The following PTCD2 variants were observed in gnomAD, a reference collection of about 807,000 sequenced individuals.
PTCD2 encodes the protein pentatricopeptide repeat-containing protein 2, mitochondrial.
PTCD2 carries 31 observed loss-of-function variants against 42.6 expected under a neutral mutation model. That is an observed-to-expected ratio of 0.73 (90% CI 0.55 to 0.98). The LOEUF is 0.98. Among genes scored for constraint, PTCD2 ranks in the 50% least tolerant of loss-of-function variants. The pLI, the probability that PTCD2 is intolerant of heterozygous loss-of-function variation, is 0.00. For missense variants in PTCD2, 476 were observed against 454.8 expected, an observed-to-expected ratio of 1.05 and a Z score of -0.42; for synonymous variants, 183 against 170.9, an observed-to-expected ratio of 1.07 and a Z score of -0.55.
intron 1 of PTCD2, 96 bp from the exon 2 acceptor site, chr5:72,322,076 T>C (rs1171065772): frequency 1.5e-6 from 1 of 684,968 alleles, no homozygotes; most frequent in African/African-American, 1.8e-5. Flanking sequence ...GGATTATCTA[T>C]AATAGATGTT....
Position 72,360,243 on chromosome 5 carries a change from C to T in PTCD2, c.*1816C>T, listed in dbSNP as rs1333179507. 2.6e-5 allele frequency: 4 copies of T among 151,768 alleles called. No homozygotes were observed. Among genetic ancestry groups the T allele is most frequent in the Admixed American group, 2.6e-4 (4 of 15,230 alleles). The allele number at this position is 151,768 out of a possible 1,614,324, so 9.4% of individuals were successfully genotyped here. On this transcript the variant is annotated 3_prime_UTR_variant, in exon 10 of 10. Transcript: ENST00000380639. ...AAAAAAAAGTGCTTGGATTTCTCCA[C>T]TTTCAGTCTTAGGGAATAATAGGGC...
rs1753102794 is a variant in PTCD2, at chr5:72,361,844, G to A, written c.*3417G>A. On this transcript the variant is annotated 3_prime_UTR_variant, in exon 10 of 10. Transcript: ENST00000380639. ...ATTCCTACTCATCATTCAGGTCTTG[G>A]CTTAGACATCTTTTCATCTGAGAAG... 6.6e-6 allele frequency: 1 copy of A among 152,188 alleles called. No homozygotes were observed. The highest frequency in any genetic ancestry group is 2.1e-4 in the South Asian group (1 of 4,830). The allele number at this position is 152,188 out of a possible 1,614,324, so 9.4% of individuals were successfully genotyped here.
chr5:72,324,071 A>G (rs1445364385), intron 2 of PTCD2, among the ~76,000 whole-genome samples: 7 of 152,118 alleles, frequency 4.6e-5, no homozygotes, highest in Non-Finnish European at 8.8e-5. Flanking sequence ...GGGGGAATAT[A>G]TTTATCCCCA....
At chr5:72,350,244 C>G (rs1260416902) in intron 8 of PTCD2, among the ~76,000 whole-genome samples, 1 of 152,142 alleles carries the variant, frequency 6.6e-6, no homozygotes, top group Non-Finnish European at 1.5e-5. Context: ...TTAGCCTGCC[C>G]CAGTTTCACG....
intron 2 of PTCD2, among the ~76,000 whole-genome samples, chr5:72,325,639 T>C (rs1346738514): frequency 2.6e-5 from 4 of 152,258 alleles, no homozygotes; most frequent in Non-Finnish European, 4.4e-5. Flanking sequence ...GTAGGTCTTT[T>C]CTTTTAAATT....
chr5:72,361,034 C>G lies in PTCD2; in HGVS notation c.*2607C>G, dbSNP rs998955101. 3.3e-5 allele frequency: 5 copies of G among 152,158 alleles called. No homozygotes were observed. The highest frequency in any genetic ancestry group is 1.2e-4 in the African/African-American group (5 of 41,430). The allele number at this position is 152,158 out of a possible 1,614,324, so 9.4% of individuals were successfully genotyped here. On this transcript the variant is annotated 3_prime_UTR_variant, in exon 10 of 10. Coordinates refer to ENST00000380639, the MANE Select transcript of PTCD2 (RefSeq NM_024754.5). ...ATTTGATTGGACAGAACATCTTATT[C>G]CTTAACTCTGTTATGTGCTTTTGTA...
chr5:72,329,299 C>T (rs1479630626), intron 3 of PTCD2, among the ~76,000 whole-genome samples: 1 of 152,206 alleles, frequency 6.6e-6, no homozygotes, highest in Admixed American at 6.5e-5. Context: ...TCTCTTTCTC[C>T]CTGAGTCAGG....
In PTCD2 at chr5:72,362,714, T is replaced by C. The variant is rs1430612381; in HGVS notation, c.*4287T>C. 6.6e-6 allele frequency: 1 copy of C among 152,236 alleles called. No homozygotes were observed. The highest frequency in any genetic ancestry group is 1.5e-5 in the Non-Finnish European group (1 of 68,046). 9.4% of individuals were successfully genotyped at this position (152,236 alleles called of 1,614,324 possible). Reference sequence around the variant, plus strand: ...TCTCCATTAATTCACCATATCTATTTTGAGAATCTACAAAGGACAAGGCAC... The same window carrying C: ...TCTCCATTAATTCACCATATCTATTCTGAGAATCTACAAAGGACAAGGCAC... On this transcript the variant is annotated 3_prime_UTR_variant, in exon 10 of 10. Transcript: ENST00000380639.
At chr5:72,339,174 C>T (rs1751913802) in intron 7 of PTCD2, among the ~76,000 whole-genome samples, 3 of 152,152 alleles carry the variant, frequency 2.0e-5, no homozygotes, top group Non-Finnish European at 4.4e-5. Context: ...CCTTAGTGAT[C>T]ATTTAGCCTC....
In PTCD2 at chr5:72,352,699, C is replaced by G. The variant is rs757947348; in HGVS notation, c.887C>G (p.Ala296Gly). 6.2e-7 allele frequency: 1 copy of G among 1,605,146 alleles called. No individual in the cohort carries two copies. The highest frequency in any genetic ancestry group is 2.2e-5 in the East Asian group (1 of 44,722). ...AACCTGATAAAGACTCTAAAAAATGCTGCAGAAGGAAATTTATCAAAATTT... is the reference window on the plus strand; with the variant it reads ...AACCTGATAAAGACTCTAAAAAATGGTGCAGAAGGAAATTTATCAAAATTT... ...LENLIKTLKN[A>G]AEGNLSKFVK... Residue 296 changes from alanine (A) to glycine (G), a missense_variant, in exon 9 of 10, where the codon GCT (alanine) becomes GGT (glycine). By Grantham distance (60) the Ala-to-Gly change is moderately conservative. Transcript: ENST00000380639.
rs768076661 is a variant in PTCD2, at chr5:72,367,205, A to T, written c.*8778A>T. ...ACTGCCCATCTCTAAGAATAGGTCAAAGATGAAATTCCCATTATCATGAAA... is the reference window on the plus strand; with the variant it reads ...ACTGCCCATCTCTAAGAATAGGTCATAGATGAAATTCCCATTATCATGAAA... On this transcript the variant is annotated 3_prime_UTR_variant, in exon 10 of 10. Coordinates refer to ENST00000380639, the MANE Select transcript of PTCD2 (RefSeq NM_024754.5). 2.0e-5 allele frequency: 3 copies of T among 152,240 alleles called. No individual in the cohort carries two copies. The highest frequency in any genetic ancestry group is 7.2e-5 in the African/African-American group (3 of 41,454). The allele number at this position is 152,240 out of a possible 1,614,324, so 9.4% of individuals were successfully genotyped here.
chr5:72,347,285 C>T (rs1237189883), intron 8 of PTCD2, among the ~76,000 whole-genome samples: 2 of 152,158 alleles, frequency 1.3e-5, no homozygotes, highest in Admixed American at 1.3e-4. Context: ...ATAAAAAGAA[C>T]ACAAGACTGG....
At chr5:72,329,328 G>A (rs1751312633) in intron 3 of PTCD2, among the ~76,000 whole-genome samples, 1 of 152,218 alleles carries the variant, frequency 6.6e-6, no homozygotes, top group Admixed American at 6.5e-5. Flanking sequence ...GGCTGGGAAA[G>A]GAGAGTCACG....
rs769570706 is a variant in PTCD2 at position 72,320,436 on chromosome 5, G to A, written c.54G>A (p.Leu18=). Residue 18 remains leucine, a synonymous_variant, in exon 1 of 10, where the codon CTG becomes CTA. Coordinates refer to ENST00000380639, the MANE Select transcript of PTCD2 (RefSeq NM_024754.5). ...AAFRPSNRVL[L]QALQILVYPG... is the part of the protein sequence containing the mutation. ...TTCGGCCCTCGAATCGAGTTCTCCTGCAGGCGCTGCAGATTTTGGTGTATC... is the reference window on the plus strand; with the variant it reads ...TTCGGCCCTCGAATCGAGTTCTCCTACAGGCGCTGCAGATTTTGGTGTATC... 5.6e-6 allele frequency: 9 copies of A among 1,614,058 alleles called. No homozygotes were observed. The South Asian group carries it at 9.9e-5, about 18-fold the overall frequency.
In PTCD2 at chr5:72,364,847, A is replaced by C. The variant is rs578217551; in HGVS notation, c.*6420A>C. 9 of 152,372 alleles carry C rather than the reference A, an allele frequency of 5.9e-5. No individual in the cohort carries two copies. Among genetic ancestry groups the C allele is most frequent in the African/African-American group, 2.2e-4 (9 of 41,548 alleles). 9.4% of individuals were successfully genotyped at this position (152,372 alleles called of 1,614,324 possible). A position where few individuals can be genotyped will look rare whatever the true frequency, so the allele number is the denominator to read the frequency against. ...AATGTATCCGTGGGCGTTTCCCCCC[A>C]GACATTCGAAGCACACAGCTAATCT... On this transcript the variant is annotated 3_prime_UTR_variant, in exon 10 of 10. Coordinates refer to ENST00000380639, the MANE Select transcript of PTCD2 (RefSeq NM_024754.5).
Position 72,366,234 on chromosome 5 carries a change from A to G in PTCD2, c.*7807A>G, listed in dbSNP as rs1753202980. ...TATGTTTCAAATAATAATAATAATA[A>G]TAAGACTTACCATTTGCCAGGTCCT... On this transcript the variant is annotated 3_prime_UTR_variant, in exon 10 of 10. Coordinates refer to ENST00000380639, the MANE Select transcript of PTCD2 (RefSeq NM_024754.5). 1 of 152,152 alleles carries G rather than the reference A, an allele frequency of 6.6e-6. No homozygotes were observed. Among genetic ancestry groups the G allele is most frequent in the African/African-American group, 2.4e-5 (1 of 41,452 alleles). The allele number at this position is 152,152 out of a possible 1,614,324, so 9.4% of individuals were successfully genotyped here.
At chr5:72,346,464 G>A (rs1403871795) in intron 8 of PTCD2, among the ~76,000 whole-genome samples, 1 of 152,182 alleles carries the variant, frequency 6.6e-6, no homozygotes, top group Non-Finnish European at 1.5e-5. Flanking sequence ...AGCCCTCCCT[G>A]TCTTAGCCTG....
At chr5:72,342,488 C>G (rs556158732) in intron 7 of PTCD2, among the ~76,000 whole-genome samples, 1 of 152,166 alleles carries the variant, frequency 6.6e-6, no homozygotes, top group African/African-American at 2.4e-5. Context: ...TGTGCCCTTA[C>G]CTTTGAGAGC....
rs1752156485 is a variant in PTCD2, at chr5:72,343,015, C to T, written c.807C>T (p.Ser269=). Residue 269 remains serine (S), a synonymous_variant, in exon 8 of 10, where the codon AGC becomes AGT. Coordinates refer to ENST00000380639, the MANE Select transcript of PTCD2 (RefSeq NM_024754.5). The part of the protein sequence containing the change: ...SIFSQIMNPE[S]IACINLNIII... ...TTTCTCAAATCATGAATCCAGAAAG[C>T]ATAGCCTGCATTAATTTAAATGTAA... The T allele has an allele frequency of 6.9e-6, 11 of 1,591,908 alleles. No individual in the cohort carries two copies. Among genetic ancestry groups the T allele is most frequent in the Non-Finnish European group, 9.4e-6 (11 of 1,166,942 alleles).
Sources: allele counts gnomAD v4.1 joint callset (sites outside exome capture counted in the v4.1 genomes callset), GRCh38; gene constraint gnomAD v4.1.1; transcripts MANE v1.5; gene names NCBI Gene and HGNC (gene_info 2026-07-23, HGNC 2026-07-21).